ACP3: variants seen among roughly 807,000 people sequenced by gnomAD.
The protein encoded by ACP3 is prostatic acid phosphatase.
Under a neutral mutation model 45.6 loss-of-function variants are expected in ACP3, and 38 were observed. The ratio of observed to expected loss-of-function variants is 0.83; its 90% CI spans 0.64 to 1.09. The LOEUF (loss-of-function observed/expected upper bound fraction) is 1.09. Among genes scored for constraint, ACP3 ranks in the 50% least tolerant of loss-of-function variants. ACP3 has a pLI of 0.00. For missense variants in ACP3, 466 were observed against 463.2 expected (o/e 1.01, Z -0.05); for synonymous variants, 162 against 164.7 (o/e 0.98, Z 0.13).
chr3:132,354,659 A>T (rs938678252), intron 9 of ACP3, among the ~76,000 whole-genome samples: 1 of 152,224 alleles, frequency 6.6e-6, no homozygotes, highest in African/African-American at 2.4e-5. Flanking sequence ...GAGAGACAGA[A>T]AGAGAGAGTA....
intron 1 of ACP3, among the ~76,000 whole-genome samples, chr3:132,318,610 T>G (rs1433214208): frequency 6.6e-6 from 1 of 152,164 alleles, no homozygotes; most frequent in Admixed American, 6.5e-5. Context: ...AAATCCTTAC[T>G]AGGTCATGAG....
Position 132,348,680 on chromosome 3 carries a change from G to A in ACP3, c.782-1240G>A, listed in dbSNP as rs148041743. ...CTAAAGTCCCTAATGCATTCCACAG[G>A]GCAACCCTCTCTGAGATGGAGGGAT... On this transcript the variant is annotated intron_variant, in intron 7 of 9. Coordinates refer to ENST00000336375, the MANE Select transcript of ACP3 (RefSeq NM_001099.5). Among the ~76,000 whole-genome samples, 79 of 152,080 alleles carry A rather than the reference G, an allele frequency of 5.2e-4. 1 individual carries two copies. In the Middle Eastern group the frequency reaches 0.014, roughly 26 times the overall value.
intron 3 of ACP3, 91 bp downstream of exon 3, chr3:132,331,824 G>C (rs1937404382): frequency 1.7e-6 from 2 of 1,144,298 alleles, no homozygotes; most frequent in Non-Finnish European, 2.5e-6. Context: ...GTTTTCCAAG[G>C]AACTTATACA....
chr3:132,364,742 C>T (rs1225381661), intron 10 of ACP3, among the ~76,000 whole-genome samples: 3 of 152,290 alleles, frequency 2.0e-5, no homozygotes, highest in South Asian at 4.1e-4. Context: ...TACATGTGTG[C>T]TCACCACATG....
intron 5 of ACP3, among the ~76,000 whole-genome samples, chr3:132,337,916 T>C (rs1438134531): frequency 1.3e-5 from 2 of 150,708 alleles, no homozygotes; most frequent in East Asian, 3.9e-4. Flanking sequence ...AGGATAGTCT[T>C]TTTTTTTTGT....
At position 132,356,918 on chromosome 3, in the gene ACP3, C is replaced by G; in HGVS notation, c.*40C>G. 1 of 1,575,782 alleles carries G rather than the reference C, an allele frequency of 6.3e-7. No homozygotes were observed. Among genetic ancestry groups the G allele is most frequent in the Non-Finnish European group, 8.6e-7 (1 of 1,157,306 alleles). On this transcript the variant is annotated 3_prime_UTR_variant, in exon 10 of 10. Transcript: ENST00000336375. ...TCTGTAGAAGGAGTAGCTGCCCTTT[C>G]TCAGGGCAGATGATGCTTTGAGAAC...
downstream of ACP3, among the ~76,000 whole-genome samples, chr3:132,359,504 T>C (rs1489892692): frequency 4.0e-5 from 6 of 148,950 alleles, no homozygotes; most frequent in East Asian, 1.5e-3. Context: ...CGAGACTCTG[T>C]CTAAATAAAT....
downstream of ACP3, among the ~76,000 whole-genome samples, chr3:132,360,621 A>T (rs183991239): frequency 1.4e-3 from 219 of 152,324 alleles, no homozygotes; most frequent in African/African-American, 5.2e-3. Flanking sequence ...AAAATTTGTC[A>T]AACTGCTTCT....
downstream of ACP3, chr3:132,358,927 G>C: frequency 1.1e-6 from 1 of 948,498 alleles, no homozygotes. Flanking sequence ...TGGCTTAAAT[G>C]AACATTTTAC....
chr3:132,345,123 T>C (rs1937595165), intron 7 of ACP3, 64 bp downstream of exon 7: 1 of 1,425,574 alleles, frequency 7.0e-7, no homozygotes, highest in Non-Finnish European at 9.7e-7. Flanking sequence ...GTCTGAGTCA[T>C]TCCCTCCACT....
In ACP3 at chr3:132,358,623, C is replaced by CGATTGATAT. The variant is rs1937973097; in HGVS notation, c.*1747_*1755dup. 4.7e-6 allele frequency: 5 copies of CGATTGATAT among 1,054,198 alleles called. No individual in the cohort carries two copies. Among genetic ancestry groups the CGATTGATAT allele is most frequent in the Non-Finnish European group, 5.8e-6 (5 of 863,770 alleles). 65.3% of individuals were successfully genotyped at this position (1,054,198 alleles called of 1,614,324 possible). On this transcript the variant is annotated 3_prime_UTR_variant, in exon 10 of 10. Transcript: ENST00000336375. Reference sequence around the variant, plus strand: ...GTCACAGAATGACTGACAAAGACATCGATTGATATGCTTCTTTGTGTTATT... The same window carrying CGATTGATAT: ...GTCACAGAATGACTGACAAAGACATCGATTGATATGATTGATATGCTTCTTTGTGTTATT...
At chr3:132,360,331 C>A (rs75701805), downstream of ACP3, among the ~76,000 whole-genome samples, 188 of 93,762 alleles carry the variant, frequency 2.0e-3, 1 homozygote, top group Middle Eastern at 0.035. Context: ...AAAAAAAAAA[C>A]AATACAGGAC....
chr3:132,352,631 A>C, intron 8 of ACP3, 89 bp from the exon 9 acceptor site: 2 of 877,562 alleles, frequency 2.3e-6, no homozygotes, highest in Non-Finnish European at 3.7e-6. Context: ...ATTTAATTGA[A>C]TCAGAAGCCA....
intron 2 of ACP3, among the ~76,000 whole-genome samples, chr3:132,330,402 C>T (rs970572929): frequency 6.6e-6 from 1 of 152,136 alleles, no homozygotes; most frequent in African/African-American, 2.4e-5. Context: ...CACGTGGGAA[C>T]TTCTCAGTAA....
Position 132,340,139 on chromosome 3 carries a change from C to A in ACP3, c.556-2413C>A, listed in dbSNP as rs939950488. Reference sequence around the variant, plus strand: ...GACCAGCCTGGCCAACTTAGTGAAACCCTGTCTCTACTAGAAACACAAAAA... The same window carrying A: ...GACCAGCCTGGCCAACTTAGTGAAAACCTGTCTCTACTAGAAACACAAAAA... On this transcript the variant is annotated intron_variant, in intron 5 of 9. Transcript: ENST00000336375. 2.6e-5 allele frequency among the ~76,000 whole-genome samples: 4 copies of A among 152,090 alleles called. No individual in the cohort carries two copies. In the South Asian group the frequency reaches 8.3e-4, roughly 32 times the overall value.
chr3:132,327,692 G>T (rs576751333), intron 1 of ACP3, among the ~76,000 whole-genome samples: 1 of 151,788 alleles, frequency 6.6e-6, no homozygotes, highest in African/African-American at 2.4e-5. Flanking sequence ...GGTGGCAAGC[G>T]CCTGTAGTCC....
chr3:132,350,001 C>T lies in ACP3; in HGVS notation c.863C>T (p.Ala288Val), dbSNP rs148550603. ...TACAAAAAACTCATCATGTATTCTG[C>T]GGTAAGTATTTTCATCTTCATTTAA... The part of the protein sequence containing the change: ...PSYKKLIMYS[A>V]HDTTVSGLQM... The change falls in exon 8 of 10, where the codon GCG (alanine) becomes GTG (valine). Residue 288 changes from alanine to valine, a missense_variant and splice_region_variant. Ala to Val is a moderately conservative substitution (Grantham distance 64). Transcript: ENST00000336375. The T allele has an allele frequency of 3.9e-4, 618 of 1,585,876 alleles. 8 individuals carry two copies. In the East Asian group the frequency reaches 0.011, roughly 29 times the overall value.
At position 132,343,971 on chromosome 3, in the gene ACP3, A is replaced by G. The variant is rs539672785; in HGVS notation, c.649-956A>G. On this transcript the variant is annotated intron_variant, in intron 6 of 9. Coordinates refer to ENST00000336375, the MANE Select transcript of ACP3 (RefSeq NM_001099.5). The stretch of plus-strand genomic sequence containing the variant: ...CAGCATAATGAGGCCCTACCTCTAC[A>G]AAACACTTTTAAAAATTAGCCACGT... Among the ~76,000 whole-genome samples, 109 of 152,244 alleles carry G rather than the reference A, an allele frequency of 7.2e-4. 1 individual carries two copies. Among genetic ancestry groups the G allele is most frequent in the African/African-American group, 2.5e-3 (104 of 41,534 alleles).
At chr3:132,337,295 A>G (rs1937507935) in intron 4 of ACP3, 161 bp from the exon 5 acceptor site, 1 of 505,204 alleles carries the variant, frequency 2.0e-6, no homozygotes. Flanking sequence ...AGATCATTTG[A>G]TTCTTTCTCC....
Sources: gnomAD v4.1 joint callset for allele counts (sites outside exome capture counted in the v4.1 genomes callset) on GRCh38, gnomAD v4.1.1 for gene constraint, MANE v1.5 for transcripts, NCBI Gene and HGNC (gene_info 2026-07-23, HGNC 2026-07-21) for gene names.